The following C1QTNF3 variants were observed in gnomAD, a reference collection of about 807,000 sequenced individuals.
C1QTNF3 encodes C1q and TNF related 3.
In C1QTNF3, 26 loss-of-function variants were observed where a neutral mutation model predicts 32.6. The ratio of observed to expected loss-of-function variants is 0.80; its 90% CI spans 0.58 to 1.11. The LOEUF is 1.11. Ranked by LOEUF, C1QTNF3 falls within the 50% of genes least tolerant of loss-of-function variation. The probability of loss-of-function intolerance (pLI) is 0.00; values close to 1 mark genes in which losing one functional copy is unlikely to be tolerated. For missense variants in C1QTNF3, 362 were observed against 398.2 expected, an observed-to-expected ratio of 0.91 and a Z score of 0.77; for synonymous variants, 155 against 146.0, an observed-to-expected ratio of 1.06 and a Z score of -0.44.
chr5:34,210,467 T>C, the C1QTNF3 span, among the ~76,000 whole-genome samples: 27 of 152,150 alleles, frequency 1.8e-4, no homozygotes, highest in African/African-American at 5.5e-4. Context: ...GCTTAGGACA[T>C]TGACTAAAAA....
chr5:34,145,105 G>A, the C1QTNF3 span, among the ~76,000 whole-genome samples: 1 of 151,956 alleles, frequency 6.6e-6, no homozygotes, highest in East Asian at 1.9e-4. Context: ...CTCCAGCCTG[G>A]GTGACAGGGT....
chr5:34,098,681 T>C, the C1QTNF3 span, among the ~76,000 whole-genome samples: 1 of 151,822 alleles, frequency 6.6e-6, no homozygotes, highest in Admixed American at 6.6e-5. Context: ...GGATCCTCAC[T>C]GAGGGTGGCT....
chr5:34,177,429 A>G, the C1QTNF3 span, among the ~76,000 whole-genome samples: 3 of 145,162 alleles, frequency 2.1e-5, no homozygotes, highest in Non-Finnish European at 4.5e-5. Context: ...CAATCCTCCT[A>G]CCTCAGCCTC....
At chr5:34,092,105 G>A in the C1QTNF3 span, among the ~76,000 whole-genome samples, 6 of 151,290 alleles carry the variant, frequency 4.0e-5, no homozygotes, top group African/African-American at 7.3e-5. Context: ...AATCATAATC[G>A]TTACTCAATA....
At chr5:34,035,521 G>A in intron 2 of C1QTNF3, 126 bp downstream of exon 2, 3 of 723,094 alleles carry the variant, frequency 4.1e-6, no homozygotes, top group Non-Finnish European at 7.2e-6. Flanking sequence ...GGTATTCCAG[G>A]GTGCCAAGAG....
chr5:34,172,599 C>T, the C1QTNF3 span, among the ~76,000 whole-genome samples: 1 of 152,154 alleles, frequency 6.6e-6, no homozygotes, highest in Non-Finnish European at 1.5e-5. Context: ...TAAAACTGCT[C>T]TATCAGCTGA....
chr5:34,067,334 C>G, the C1QTNF3 span, among the ~76,000 whole-genome samples: 2 of 152,234 alleles, frequency 1.3e-5, no homozygotes, highest in African/African-American at 4.8e-5. Context: ...CCCCACTCTA[C>G]TAGTACCAAT....
chr5:34,212,599 T>G, the C1QTNF3 span, among the ~76,000 whole-genome samples: 11 of 151,734 alleles, frequency 7.2e-5, no homozygotes, highest in Non-Finnish European at 1.3e-4. Flanking sequence ...GCAAAGGACA[T>G]GAACAGACAC....
At chr5:34,212,412 A>T in the C1QTNF3 span, among the ~76,000 whole-genome samples, 1 of 152,094 alleles carries the variant, frequency 6.6e-6, no homozygotes, top group African/African-American at 2.4e-5. Context: ...ATGGGATCTC[A>T]TTAAACTAAA....
chr5:34,048,289 T>TGAGAGAGA, the C1QTNF3 span, among the ~76,000 whole-genome samples: 33,242 of 140,820 alleles, frequency 0.24, 4,176 homozygotes, highest in African/African-American at 0.29. Context: ...TGTGTGTGCA[T>TGAGAGAGA]GAGAGAGAGA....
At chr5:34,223,543 G>GA in the C1QTNF3 span, among the ~76,000 whole-genome samples, 1 of 151,648 alleles carries the variant, frequency 6.6e-6, no homozygotes, top group Non-Finnish European at 1.5e-5. Flanking sequence ...CCAGTAATGG[G>GA]ATGGCTGGGT....
At chr5:34,190,319 A>G in the C1QTNF3 span, 1 of 715,380 alleles carries the variant, frequency 1.4e-6, no homozygotes, top group African/African-American at 1.7e-5. Context: ...ACAGACCTCC[A>G]TGCCCAGAGC....
At chr5:34,209,517 C>T in the C1QTNF3 span, among the ~76,000 whole-genome samples, 13 of 150,894 alleles carry the variant, frequency 8.6e-5, no homozygotes, top group African/African-American at 2.4e-4. Context: ...TAAATTTATA[C>T]ATTAAAATAG....
the C1QTNF3 span, among the ~76,000 whole-genome samples, chr5:34,115,746 A>C: frequency 3.3e-5 from 5 of 151,886 alleles, no homozygotes; most frequent in East Asian, 3.9e-4. Context: ...AAAAAAAAAA[A>C]AACTTTCAGC....
the C1QTNF3 span, among the ~76,000 whole-genome samples, chr5:34,133,622 G>A: frequency 2.0e-5 from 3 of 152,184 alleles, no homozygotes; most frequent in South Asian, 2.1e-4. Context: ...AAAAGGAAAC[G>A]AAGAGGCATC....
At chr5:34,121,390 T>C in the C1QTNF3 span, among the ~76,000 whole-genome samples, 3 of 152,244 alleles carry the variant, frequency 2.0e-5, no homozygotes, top group East Asian at 1.9e-4. Context: ...CAGTTCCACA[T>C]GGCTAGGGAG....
At chr5:34,028,043 G>T (rs942249935) in intron 4 of C1QTNF3, among the ~76,000 whole-genome samples, 1 of 151,816 alleles carries the variant, frequency 6.6e-6, no homozygotes, top group Non-Finnish European at 1.5e-5. Flanking sequence ...CGCGATCTCC[G>T]CTCACTGCAA....
At chr5:34,115,797 A>C in the C1QTNF3 span, among the ~76,000 whole-genome samples, 1 of 151,872 alleles carries the variant, frequency 6.6e-6, no homozygotes, top group African/African-American at 2.4e-5. Context: ...ACACCCTATA[A>C]TTCTTTAAAC....
chr5:34,147,318 A>C, the C1QTNF3 span, among the ~76,000 whole-genome samples: 2 of 152,248 alleles, frequency 1.3e-5, no homozygotes, highest in South Asian at 4.1e-4. Context: ...ATATATGCCC[A>C]AAGGAAACAC....
Sources: allele counts gnomAD v4.1 joint callset (sites outside exome capture counted in the v4.1 genomes callset), GRCh38; gene constraint gnomAD v4.1.1; transcripts MANE v1.5; gene names NCBI Gene and HGNC (gene_info 2026-07-23, HGNC 2026-07-21).